The following TBXAS1 variants were observed in gnomAD, a reference collection of about 807,000 sequenced individuals.
TBXAS1 encodes the protein thromboxane A synthase 1.
Under a neutral mutation model 60.7 loss-of-function variants are expected in TBXAS1, and 48 were observed. That is an observed-to-expected ratio of 0.79 (90% CI 0.63 to 1.01). The LOEUF (loss-of-function observed/expected upper bound fraction) is 1.01. Among genes scored for constraint, TBXAS1 ranks in the 50% least tolerant of loss-of-function variants. TBXAS1 has a pLI of 0.00. For synonymous variants in TBXAS1, 287 were observed against 269.7 expected (o/e 1.06, Z -0.63); for missense variants, 685 against 686.3 (o/e 1.00, Z 0.02).
intron 3 of TBXAS1, among the ~76,000 whole-genome samples, chr7:139,883,554 G>T (rs551068491): frequency 6.6e-6 from 1 of 152,108 alleles, no homozygotes. Flanking sequence ...CTCTTCTTTG[G>T]GTAGAAGCAT....
chr7:139,951,965 A>G (rs1179876315), intron 5 of TBXAS1, among the ~76,000 whole-genome samples: 5 of 134,764 alleles, frequency 3.7e-5, no homozygotes, highest in Non-Finnish European at 3.2e-5. Flanking sequence ...AAAGAAAGAA[A>G]GAAAGAAAGA....
In TBXAS1 at chr7:139,809,194, T is replaced by G. The variant is rs1283915487; in HGVS notation, c.-79-20118T>G. ...ATAGATAGATAGAACCAATAGGAGATAGATGATAGATAGATAGATAGATAG... is the reference window on the plus strand; with the variant it reads ...ATAGATAGATAGAACCAATAGGAGAGAGATGATAGATAGATAGATAGATAG... On this transcript the variant is annotated intron_variant, in intron 4 of 16. Transcript: ENST00000336425. Among the ~76,000 whole-genome samples, 5 of 138,300 alleles carry G rather than the reference T, an allele frequency of 3.6e-5. No individual in the cohort carries two copies. The South Asian group carries it at 1.1e-3, about 30-fold the overall frequency. 90.7% of individuals were successfully genotyped at this position (138,300 alleles called of 152,430 possible).
chr7:139,965,871 C>T, intron 9 of TBXAS1, among the ~76,000 whole-genome samples: 1 of 150,960 alleles, frequency 6.6e-6, no homozygotes. Flanking sequence ...TCTTTCTTTC[C>T]TTCTTTTATT....
At chr7:139,941,185 C>G (rs1326974548) in intron 5 of TBXAS1, among the ~76,000 whole-genome samples, 4 of 152,160 alleles carry the variant, frequency 2.6e-5, no homozygotes, top group Non-Finnish European at 5.9e-5. Flanking sequence ...CTTTTGTTAT[C>G]AAACATCAGA....
In TBXAS1 at chr7:139,877,728, C is replaced by CT. The variant is rs902893678; in HGVS notation, c.236+2110dup. Among the ~76,000 whole-genome samples, 942 of 97,664 alleles carry CT rather than the reference C, an allele frequency of 9.6e-3. 14 individuals carry two copies. Among genetic ancestry groups the CT allele is most frequent in the African/African-American group, 0.016 (405 of 24,714 alleles). 64.1% of individuals were successfully genotyped at this position (97,664 alleles called of 152,430 possible). A position where few individuals can be genotyped will look rare whatever the true frequency, so the allele number is the denominator to read the frequency against. ...ATGAGCCACTGCACCCAGTCTATTG[C>CT]TTTTTTTTTTTTTTTTTTTGAGACG... On this transcript the variant is annotated intron_variant, in intron 3 of 12. Coordinates refer to ENST00000448866, the MANE Select transcript of TBXAS1 (RefSeq NM_001061.7).
intron 1 of TBXAS1, among the ~76,000 whole-genome samples, chr7:139,843,002 C>T (rs1161705573): frequency 1.3e-5 from 2 of 152,332 alleles, no homozygotes; most frequent in East Asian, 3.9e-4. Flanking sequence ...GCACACAGAC[C>T]CCCTGGGAGA....
At position 139,829,355 on chromosome 7, in the gene TBXAS1, T is replaced by A. The variant is rs1798556663; in HGVS notation, c.-36T>A. The A allele has an allele frequency of 6.2e-7, 1 of 1,601,936 alleles. No individual in the cohort carries two copies. The highest frequency in any genetic ancestry group is 8.5e-7 in the Non-Finnish European group (1 of 1,171,620). Reference sequence around the variant, plus strand: ...GCGGCGAGATCAGCCTCCTGTCTCATCTGGAAGACCACCACTCTGGGGTCT... The same window carrying A: ...GCGGCGAGATCAGCCTCCTGTCTCAACTGGAAGACCACCACTCTGGGGTCT... On this transcript the variant is annotated 5_prime_UTR_variant, in exon 1 of 13. Coordinates refer to ENST00000448866, the MANE Select transcript of TBXAS1 (RefSeq NM_001061.7).
At position 139,896,532 on chromosome 7, in the gene TBXAS1, A is replaced by G. The variant is rs1804110062; in HGVS notation, c.237-14693A>G. Among the ~76,000 whole-genome samples the G allele has an allele frequency of 6.6e-6, 1 of 152,190 alleles. No homozygotes were observed. Among genetic ancestry groups the G allele is most frequent in the Admixed American group, 6.5e-5 (1 of 15,288 alleles). On this transcript the variant is annotated intron_variant, in intron 3 of 12. Transcript: ENST00000448866. The surrounding 1 kb of genome is among the most constrained non-coding windows in gnomAD (Gnocchi z 4.0). ...TCACAGGGGCTTCCTGGGCTATGGT[A>G]TTTTACACATTCGTGACAAATACAG...
rs555860640 is a variant in TBXAS1 at position 139,880,689 on chromosome 7, T to C, written c.236+5052T>C. The stretch of plus-strand genomic sequence containing the variant: ...TTAGGTAGTGTTTTTAAGGATTTCC[T>C]TGTATGAATGTATCCTAATTTTTAA... On this transcript the variant is annotated intron_variant, in intron 3 of 12. Coordinates refer to ENST00000448866, the MANE Select transcript of TBXAS1 (RefSeq NM_001061.7). Among the ~76,000 whole-genome samples the C allele has an allele frequency of 7.9e-5, 12 of 152,346 alleles. 1 individual carries two copies. The highest frequency in any genetic ancestry group is 2.6e-4 in the African/African-American group (11 of 41,590).
intron 5 of TBXAS1, among the ~76,000 whole-genome samples, chr7:139,943,686 A>G (rs991964900): frequency 3.3e-5 from 5 of 152,228 alleles, no homozygotes; most frequent in African/African-American, 1.2e-4. Context: ...TTATTCACCT[A>G]GATGGCTAGA....
At chr7:139,961,112 T>A (rs79969427) in intron 8 of TBXAS1, among the ~76,000 whole-genome samples, 12 of 152,226 alleles carry the variant, frequency 7.9e-5, no homozygotes, top group African/African-American at 2.6e-4. Flanking sequence ...AAAAAAGCTC[T>A]GACTACTTAA....
At chr7:139,807,026 T>A (rs1797895733) in intron 4 of TBXAS1, among the ~76,000 whole-genome samples, 1 of 152,206 alleles carries the variant, frequency 6.6e-6, no homozygotes, top group African/African-American at 2.4e-5. Context: ...TGAATGTGCC[T>A]TCCACTTGCT....
intron 9 of TBXAS1, among the ~76,000 whole-genome samples, chr7:139,983,109 A>T (rs1812080368): frequency 6.6e-6 from 1 of 152,202 alleles, no homozygotes; most frequent in Admixed American, 6.5e-5. Context: ...TTCTGATGCA[A>T]ACTGATTACA....
In TBXAS1 at chr7:140,016,132, T is replaced by G. The variant is rs35903524; in HGVS notation, c.1364+272T>G. ...TCACGAGGTCAGGAGATCGAGACCA[T>G]CCTGGCTAACACGGTGAAACCCCAT... On this transcript the variant is annotated intron_variant, in intron 11 of 12. Transcript: ENST00000448866. Among the ~76,000 whole-genome samples the G allele has an allele frequency of 4.6e-4, 70 of 151,820 alleles. 1 individual carries two copies. The highest frequency in any genetic ancestry group is 2.4e-3 in the Admixed American group (37 of 15,270).
chr7:139,784,869 C>T (rs990993538), intron 3 of TBXAS1, among the ~76,000 whole-genome samples: 5 of 147,864 alleles, frequency 3.4e-5, no homozygotes, highest in African/African-American at 1.3e-4. Flanking sequence ...TGTTTTGAGT[C>T]ATCAGTAAGT....
At chr7:139,947,494 C>T (rs540036513) in intron 5 of TBXAS1, among the ~76,000 whole-genome samples, 1 of 152,280 alleles carries the variant, frequency 6.6e-6, no homozygotes, top group African/African-American at 2.4e-5. Context: ...CGGCAAACCA[C>T]CATGGCATAT....
At chr7:139,899,535 T>C (rs906198982) in intron 3 of TBXAS1, among the ~76,000 whole-genome samples, 1 of 152,266 alleles carries the variant, frequency 6.6e-6, no homozygotes, top group Non-Finnish European at 1.5e-5. Context: ...TACACAATAC[T>C]TCACTGATTT....
chr7:139,783,230 T>C (rs944250169), intron 3 of TBXAS1, among the ~76,000 whole-genome samples: 1 of 151,592 alleles, frequency 6.6e-6, no homozygotes, highest in African/African-American at 2.4e-5. Context: ...ATCAGGGGAA[T>C]AGGGAAACAT....
rs1797938890 is a variant in TBXAS1, at chr7:139,808,657, A to C, written c.-79-20655A>C. Reference sequence around the variant, plus strand: ...CTCCACCGACATCTGGTCAATACTTATCCTTCCCTTAAGTCAGCTCTGCTC... The same window carrying C: ...CTCCACCGACATCTGGTCAATACTTCTCCTTCCCTTAAGTCAGCTCTGCTC... On this transcript the variant is annotated intron_variant, in intron 4 of 16. Coordinates refer to the TBXAS1 transcript ENST00000336425. Among the ~76,000 whole-genome samples, 5 of 152,120 alleles carry C rather than the reference A, an allele frequency of 3.3e-5. No individual in the cohort carries two copies. The South Asian group carries it at 1.0e-3, about 32-fold the overall frequency.
Sources: allele counts gnomAD v4.1 joint callset (sites outside exome capture counted in the v4.1 genomes callset), GRCh38; gene constraint gnomAD v4.1.1; non-coding constraint Gnocchi (gnomAD v3.1); transcripts MANE v1.5; gene names NCBI Gene and HGNC (gene_info 2026-07-23, HGNC 2026-07-21).